Variants in PHTF2 observed in about 807,000 individuals in gnomAD.
The protein encoded by PHTF2 is putative homeodomain transcription factor 2, also known as protein PHTF2.
PHTF2 carries 60 observed loss-of-function variants against 101.2 expected under a neutral mutation model. That is an observed-to-expected ratio of 0.59 (90% CI 0.48 to 0.73). The LOEUF is 0.73. Among genes scored for constraint, PHTF2 ranks in the 30% least tolerant of loss-of-function variants. The pLI, the probability that PHTF2 is intolerant of heterozygous loss-of-function variation, is 0.00. For synonymous variants in PHTF2, 311 were observed against 307.3 expected, an observed-to-expected ratio of 1.01 and a Z score of -0.13; for missense variants, 747 against 908.7, an observed-to-expected ratio of 0.82 and a Z score of 2.29.
At chr7:77,934,342 A>G (rs1377367487) in intron 12 of PHTF2, among the ~76,000 whole-genome samples, 7 of 152,228 alleles carry the variant, frequency 4.6e-5, no homozygotes, top group Non-Finnish European at 1.0e-4. Context: ...GCCCTCCTCT[A>G]TAGCTGAATA....
chr7:77,930,318 A>G (rs1276891057), intron 12 of PHTF2, among the ~76,000 whole-genome samples: 1 of 152,170 alleles, frequency 6.6e-6, no homozygotes, highest in Non-Finnish European at 1.5e-5. Context: ...GGACAGCACG[A>G]TTTTATAGGA....
chr7:77,935,124 C>G (rs1246473933), intron 12 of PHTF2, among the ~76,000 whole-genome samples: 1 of 66,114 alleles, frequency 1.5e-5, no homozygotes. Flanking sequence ...GTACATTCCC[C>G]CCCCCCACAC....
chr7:77,857,505 A>G (rs181734958), intron 3 of PHTF2, among the ~76,000 whole-genome samples: 42 of 152,360 alleles, frequency 2.8e-4, no homozygotes, highest in African/African-American at 9.9e-4. Context: ...GAGTATGTAT[A>G]TACAAACACG....
chr7:77,918,203 C>T (rs995880163), intron 9 of PHTF2, among the ~76,000 whole-genome samples: 1 of 152,118 alleles, frequency 6.6e-6, no homozygotes, highest in Non-Finnish European at 1.5e-5. Context: ...GGCCTACCCT[C>T]ACCCCCCTAC....
intron 5 of PHTF2, among the ~76,000 whole-genome samples, chr7:77,899,940 A>G (rs1214413227): frequency 2.0e-5 from 3 of 151,404 alleles, no homozygotes; most frequent in Admixed American, 2.0e-4. Flanking sequence ...AATTCTTAAC[A>G]TTCTAGTCTT....
chr7:77,943,252 C>T (rs2150980291), intron 16 of PHTF2, among the ~76,000 whole-genome samples: 1 of 152,314 alleles, frequency 6.6e-6, no homozygotes, highest in East Asian at 1.9e-4. Context: ...TCCTGAGTAG[C>T]TGGGACTACA....
intron 12 of PHTF2, among the ~76,000 whole-genome samples, chr7:77,934,182 G>GA (rs1156523145): frequency 1.3e-5 from 2 of 152,054 alleles, no homozygotes; most frequent in Non-Finnish European, 2.9e-5. Context: ...TATACAGATG[G>GA]AAAAATCCCT....
intron 2 of PHTF2, among the ~76,000 whole-genome samples, chr7:77,845,234 G>A (rs535380676): frequency 6.6e-6 from 1 of 152,302 alleles, no homozygotes. Context: ...AGATTCCACT[G>A]TGACTGTGCA....
exon 16 of PHTF2, chr7:77,942,772 A>T (rs1179673599): frequency 6.3e-7 from 1 of 1,585,816 alleles, no homozygotes; most frequent in Non-Finnish European, 8.6e-7. Flanking sequence ...AGTTGTATTT[A>T]TCTGTTGTGC....
At chr7:77,954,254 C>A (rs1252514638) in intron 19 of PHTF2, among the ~76,000 whole-genome samples, 1 of 152,064 alleles carries the variant, frequency 6.6e-6, no homozygotes, top group Non-Finnish European at 1.5e-5. Flanking sequence ...CTGCCTCAGC[C>A]TCCCAAGTAG....
chr7:77,819,558 C>T (rs760146132), intron 1 of PHTF2, among the ~76,000 whole-genome samples: 51 of 152,144 alleles, frequency 3.4e-4, no homozygotes, highest in Non-Finnish European at 6.5e-4. Flanking sequence ...TTTGTTGAAC[C>T]GTCCTTGCGT....
chr7:77,887,420 G>T (rs1248456960), intron 3 of PHTF2, among the ~76,000 whole-genome samples: 1 of 146,982 alleles, frequency 6.8e-6, no homozygotes, highest in African/African-American at 2.5e-5. Context: ...CATAATTATT[G>T]TTGTTGTTTT....
At chr7:77,956,839 T>A (rs1359851785) in exon 20 of PHTF2, 2 of 152,290 alleles carry the variant, frequency 1.3e-5, no homozygotes, top group African/African-American at 4.8e-5. Context: ...CTGAGTATAC[T>A]GGTTTAAGAA....
rs1803447421 is a variant in PHTF2, at chr7:77,921,425, A to G, written c.963+960A>G. Among the ~76,000 whole-genome samples the G allele has an allele frequency of 2.0e-5, 3 of 152,230 alleles. No individual in the cohort carries two copies. The South Asian group carries it at 6.2e-4, about 32-fold the overall frequency. On this transcript the variant is annotated intron_variant, in intron 10 of 19. Transcript: ENST00000416283. ...AAAAAAATAGAGAGAGAGTCAAATTAAAAGATGTTACCTCTCTTACATTTG... is the reference window on the plus strand; with the variant it reads ...AAAAAAATAGAGAGAGAGTCAAATTGAAAGATGTTACCTCTCTTACATTTG...
exon 20 of PHTF2, chr7:77,954,865 A>G: frequency 1.3e-6 from 2 of 1,517,718 alleles, no homozygotes; most frequent in Non-Finnish European, 1.8e-6. Flanking sequence ...TAGCTATGGA[A>G]GATTAAGTCA....
intron 1 of PHTF2, among the ~76,000 whole-genome samples, chr7:77,815,612 T>C (rs1469867781): frequency 1.3e-5 from 2 of 152,238 alleles, no homozygotes; most frequent in Non-Finnish European, 2.9e-5. Context: ...TTTCAATTGA[T>C]ATTTTATTTA....
chr7:77,801,402 A>G (rs1188601377), intron 1 of PHTF2, among the ~76,000 whole-genome samples: 3 of 152,026 alleles, frequency 2.0e-5, no homozygotes, highest in Non-Finnish European at 2.9e-5. Context: ...CCTGACCAAT[A>G]TGAAACCCCG....
At chr7:77,941,420 A>C (rs1805629130) in intron 15 of PHTF2, among the ~76,000 whole-genome samples, 1 of 152,200 alleles carries the variant, frequency 6.6e-6, no homozygotes, top group Non-Finnish European at 1.5e-5. Context: ...TGATCGCTTG[A>C]ATTCGTCCAA....
intron 12 of PHTF2, 64 bp from the exon 12 acceptor site, chr7:77,937,646 A>T (rs1406916751): frequency 1.7e-6 from 1 of 584,056 alleles, no homozygotes; most frequent in Non-Finnish European, 2.7e-6. Context: ...ATACAACTTT[A>T]TATACACACA....
Sources: gnomAD v4.1 joint callset for allele counts (sites outside exome capture counted in the v4.1 genomes callset) on GRCh38, gnomAD v4.1.1 for gene constraint, MANE v1.5 for transcripts, NCBI Gene and HGNC (gene_info 2026-07-23, HGNC 2026-07-21) for gene names.